Variants in KNL1 observed in about 807,000 individuals in gnomAD.
KNL1 encodes the protein outer kinetochore KNL1 complex subunit KNL1.
A neutral mutation model predicts 201.3 loss-of-function variants in KNL1; 66 were observed. The observed-to-expected ratio is 0.33, with a 90% CI of 0.27 to 0.40. The LOEUF is 0.40. Among genes scored for constraint, KNL1 ranks in the 10% least tolerant of loss-of-function variants. The pLI is 1.00. For synonymous variants in KNL1, 895 were observed against 899.2 expected, an observed-to-expected ratio of 1.00 and a Z score of 0.08; for missense variants, 2,815 against 2,690.5, an observed-to-expected ratio of 1.05 and a Z score of -1.02.
chr15:40,615,538 G>T, intron 8 of KNL1, 160 bp downstream of exon 8: 1 of 255,052 alleles, frequency 3.9e-6, no homozygotes. Flanking sequence ...GCAGGCTGAG[G>T]CAGGCAGATC....
chr15:40,649,835 C>G (rs1183938645), intron 17 of KNL1, among the ~76,000 whole-genome samples: 1 of 152,196 alleles, frequency 6.6e-6, no homozygotes, highest in African/African-American at 2.4e-5. Flanking sequence ...AGAAAGTAGT[C>G]TCTTTTCCTT....
Position 40,624,820 on chromosome 15 carries a change from C to G in KNL1, c.4556C>G (p.Ala1519Gly), listed in dbSNP as rs1242542279. Residue 1519 changes from alanine to glycine, a missense_variant, in exon 10 of 26, where the codon GCT becomes GGT. Coordinates refer to ENST00000399668, the MANE Select transcript of KNL1 (RefSeq NM_144508.5). ...ATTCAAACAACTAACTATAATACAG[C>G]TCTAGATTTCCACAGTAACTCAGAC... ...ENIQTTNYNTALDFHSNSDVT... is the reference protein window; with the variant it reads ...ENIQTTNYNTGLDFHSNSDVT... 6.2e-7 allele frequency: 1 copy of G among 1,613,362 alleles called. No homozygotes were observed. The highest frequency in any genetic ancestry group is 2.2e-5 in the East Asian group (1 of 44,860).
chr15:40,626,506 C>G (rs1430125535), intron 10 of KNL1, among the ~76,000 whole-genome samples: 2 of 152,016 alleles, frequency 1.3e-5, no homozygotes, highest in Non-Finnish European at 2.9e-5. Context: ...AGATTATCTG[C>G]TATGTCTTAG....
At chr15:40,628,771 AT>A (rs943133011) in intron 12 of KNL1, 93 bp downstream of exon 12, 24 of 708,952 alleles carry the variant, frequency 3.4e-5, no homozygotes, top group Admixed American at 8.8e-5. Context: ...GGTTTAAAAA[AT>A]TTTTTTTAAT....
intron 14 of KNL1, 67 bp downstream of exon 14, chr15:40,641,094 A>G (rs1044882138): frequency 8.8e-5 from 97 of 1,100,120 alleles, no homozygotes; most frequent in Middle Eastern, 2.0e-4. Context: ...TTTGTGTGGT[A>G]AGGTTTTGAT....
chr15:40,607,716 G>A (rs2141702753), intron 4 of KNL1, among the ~76,000 whole-genome samples: 1 of 152,156 alleles, frequency 6.6e-6, no homozygotes, highest in South Asian at 2.1e-4. Context: ...CAACATCATT[G>A]ACCATTAGGG....
At chr15:40,629,536 C>G (rs1464657463) in intron 13 of KNL1, among the ~76,000 whole-genome samples, 165 bp downstream of exon 13, 2 of 110,020 alleles carry the variant, frequency 1.8e-5, no homozygotes, top group Non-Finnish European at 3.3e-5. Context: ...TGGAGTCTCG[C>G]TCTGTTGCCC....
intron 1 of KNL1, among the ~76,000 whole-genome samples, chr15:40,602,143 C>T (rs1566998351): frequency 6.6e-6 from 1 of 151,596 alleles, no homozygotes; most frequent in African/African-American, 2.4e-5. Flanking sequence ...CATTCTGCCT[C>T]AGCCTCCTGA....
At chr15:40,604,197 A>G (rs375862417) in intron 2 of KNL1, among the ~76,000 whole-genome samples, 6 of 71,546 alleles carry the variant, frequency 8.4e-5, no homozygotes, top group Non-Finnish European at 1.6e-4. Context: ...ACTATCTCCT[A>G]TCTCTTCAAT....
Position 40,622,117 on chromosome 15 carries a change from G to C in KNL1, c.1853G>C (p.Ser618Thr). Residue 618 changes from serine (S) to threonine (T), a missense_variant, in exon 10 of 26, where the codon AGT becomes ACT. Coordinates refer to ENST00000399668, the MANE Select transcript of KNL1 (RefSeq NM_144508.5). Reference sequence around the variant, plus strand: ...GATGAATGTGAAGAAATTACCAAAAGTCGTAATGAACCATTTCAGCGATCA... The same window carrying C: ...GATGAATGTGAAGAAATTACCAAAACTCGTAATGAACCATTTCAGCGATCA... ...SSDECEEITK[S>T]RNEPFQRSDI... is the part of the protein sequence containing the mutation. The C allele has an allele frequency of 6.2e-7, 1 of 1,614,048 alleles. No homozygotes were observed. Among genetic ancestry groups the C allele is most frequent in the African/African-American group, 1.3e-5 (1 of 75,042 alleles).
Position 40,648,735 on chromosome 15 carries a change from C to T in KNL1, c.6095-1566C>T, listed in dbSNP as rs542264719. On this transcript the variant is annotated intron_variant, in intron 17 of 25. Transcript: ENST00000399668. ...TTCCATTCCAACCTGCACATTGCTG[C>T]CAGATTAATAATTATGAAAGACAGT... Among the ~76,000 whole-genome samples, 129 of 152,168 alleles carry T rather than the reference C, an allele frequency of 8.5e-4. 1 individual carries two copies. The highest frequency in any genetic ancestry group is 3.4e-3 in the Middle Eastern group (1 of 294).
At chr15:40,602,019 T>C (rs952233894) in intron 1 of KNL1, among the ~76,000 whole-genome samples, 1 of 148,460 alleles carries the variant, frequency 6.7e-6, no homozygotes, top group Non-Finnish European at 1.5e-5. Context: ...TTTTTGTGGG[T>C]TTTTTTGTTT....
At chr15:40,629,438 T>C in intron 13 of KNL1, 67 bp downstream of exon 13, 3 of 955,928 alleles carry the variant, frequency 3.1e-6, no homozygotes, top group Non-Finnish European at 4.6e-6. Flanking sequence ...ACAAAAAGAA[T>C]GGAAGAGAGC....
At chr15:40,609,600 C>T (rs1043091460) in intron 5 of KNL1, among the ~76,000 whole-genome samples, 1 of 152,034 alleles carries the variant, frequency 6.6e-6, no homozygotes, top group African/African-American at 2.4e-5. Context: ...ATAACAAAAG[C>T]CAGTGAAATA....
At chr15:40,611,251 T>C (rs1892150253) in intron 6 of KNL1, among the ~76,000 whole-genome samples, 1 of 151,462 alleles carries the variant, frequency 6.6e-6, no homozygotes, top group Middle Eastern at 3.4e-3. Context: ...TGGGATTACA[T>C]GTGCACGCCA....
At chr15:40,594,667 G>C (rs1345499653) in intron 1 of KNL1, among the ~76,000 whole-genome samples, 5 of 152,182 alleles carry the variant, frequency 3.3e-5, no homozygotes, top group Non-Finnish European at 5.9e-5. Flanking sequence ...CTTGTCCGTC[G>C]CTCTCTTGGC....
Position 40,625,474 on chromosome 15 carries a change from C to G in KNL1, c.5210C>G (p.Ala1737Gly). ...ATTAACATAGAAACTGAGGAAAAGGCCTTGATTGAGACATACCAAAAAGAG... is the reference window on the plus strand; with the variant it reads ...ATTAACATAGAAACTGAGGAAAAGGGCTTGATTGAGACATACCAAAAAGAG... ...DSINIETEEK[A>G]LIETYQKEIS... The change falls in exon 10 of 26, where the codon GCC becomes GGC. Residue 1737 changes from alanine (A) to glycine (G), a missense_variant. Transcript: ENST00000399668. The G allele has an allele frequency of 6.2e-7, 1 of 1,613,636 alleles. No homozygotes were observed. The highest frequency in any genetic ancestry group is 8.5e-7 in the Non-Finnish European group (1 of 1,179,924).
chr15:40,625,967 C>T (rs1892740474), intron 10 of KNL1: 1 of 220,048 alleles, frequency 4.5e-6, no homozygotes. Context: ...GTCAATTTGG[C>T]TTTATATAAG....
At chr15:40,655,898 A>G (rs2141764983) in intron 22 of KNL1, among the ~76,000 whole-genome samples, 2 of 151,888 alleles carry the variant, frequency 1.3e-5, no homozygotes, top group East Asian at 3.9e-4. Context: ...CCTGGGCGAC[A>G]AAATGAGACT....
Sources: gnomAD v4.1 joint callset for allele counts (sites outside exome capture counted in the v4.1 genomes callset) on GRCh38, gnomAD v4.1.1 for gene constraint, MANE v1.5 for transcripts, NCBI Gene and HGNC (gene_info 2026-07-23, HGNC 2026-07-21) for gene names.